The following GPM6A variants were observed in gnomAD, a reference collection of about 807,000 sequenced individuals.
GPM6A encodes glycoprotein M6A.
GPM6A carries 7 observed loss-of-function variants against 32.1 expected under a neutral mutation model. The observed-to-expected ratio is 0.22, with a 90% CI of 0.12 to 0.41. GPM6A has a LOEUF of 0.41. Ranked by LOEUF, GPM6A falls within the 10% of genes least tolerant of loss-of-function variation. The pLI, the probability that GPM6A is intolerant of heterozygous loss-of-function variation, is 1.00. For synonymous variants in GPM6A, 130 were observed against 123.4 expected (o/e 1.05, Z -0.35); for missense variants, 235 against 347.2 (o/e 0.68, Z 2.57).
intron 1 of GPM6A, among the ~76,000 whole-genome samples, chr4:175,799,767 C>T (rs1431841586): frequency 7.2e-6 from 1 of 139,598 alleles, no homozygotes. Context: ...CTCCGCCTCC[C>T]GGGTTCACGC....
intron 1 of GPM6A, among the ~76,000 whole-genome samples, chr4:175,827,833 G>A (rs765770740): frequency 2.0e-5 from 3 of 152,110 alleles, no homozygotes; most frequent in Non-Finnish European, 4.4e-5. Context: ...AATGCATTCC[G>A]CACAAATTTT....
At chr4:175,754,531 C>T (rs1732456577) in intron 1 of GPM6A, among the ~76,000 whole-genome samples, 1 of 152,120 alleles carries the variant, frequency 6.6e-6, no homozygotes, top group African/African-American at 2.4e-5. Context: ...AATTGCAAAG[C>T]TCTAACCTAA....
chr4:175,992,060 G>GCACGCGCA lies in GPM6A; in HGVS notation c.-23+10248_-23+10249insTGCGCGTG, dbSNP rs71770965. ...GAACCCCCTACACACAAACACACAT[G>GCACGCGCA]CACACACACACACACACACACACAC... is the stretch of plus-strand genomic sequence containing the variant. On this transcript the variant is annotated intron_variant, in intron 1 of 7. Transcript: ENST00000280187. 1.5e-4 allele frequency among the ~76,000 whole-genome samples: 21 copies of GCACGCGCA among 137,146 alleles called. 1 individual carries two copies. The highest frequency in any genetic ancestry group is 2.4e-4 in the Non-Finnish European group (15 of 63,502). The allele number at this position is 137,146 out of a possible 152,430, so 90.0% of individuals were successfully genotyped here.
chr4:175,717,330 A>G (rs943410856), intron 1 of GPM6A, among the ~76,000 whole-genome samples: 2 of 152,198 alleles, frequency 1.3e-5, no homozygotes, highest in African/African-American at 4.8e-5. Flanking sequence ...CTTATTTTCA[A>G]TATTTAACAA....
chr4:175,745,105 T>C (rs1206391137), intron 1 of GPM6A, among the ~76,000 whole-genome samples: 1 of 152,016 alleles, frequency 6.6e-6, no homozygotes, highest in Non-Finnish European at 1.5e-5. Context: ...AGAAATACTC[T>C]GAGAGTATCA....
chr4:175,971,387 C>G (rs1740498031), intron 1 of GPM6A, among the ~76,000 whole-genome samples: 1 of 151,982 alleles, frequency 6.6e-6, no homozygotes, highest in Non-Finnish European at 1.5e-5. Flanking sequence ...TGCAATCAAA[C>G]GAGGAAGTAA....
chr4:175,726,963 T>G (rs997150192), intron 1 of GPM6A, among the ~76,000 whole-genome samples: 1 of 152,144 alleles, frequency 6.6e-6, no homozygotes, highest in Non-Finnish European at 1.5e-5. Flanking sequence ...GCCACTGCAC[T>G]CCAGCCTGGG....
chr4:175,840,391 A>T (rs1458036553), intron 1 of GPM6A, among the ~76,000 whole-genome samples: 1 of 152,200 alleles, frequency 6.6e-6, no homozygotes, highest in African/African-American at 2.4e-5. Context: ...AATAAAATAA[A>T]TGCAGTCCGG....
intron 1 of GPM6A, among the ~76,000 whole-genome samples, chr4:175,784,513 T>C (rs1733724843): frequency 6.6e-6 from 1 of 152,184 alleles, no homozygotes; most frequent in South Asian, 2.1e-4. Context: ...GAAGCTGGTT[T>C]AAGTGTATAA....
intron 1 of GPM6A, chr4:175,807,516 G>A (rs1293608983): frequency 1.3e-5 from 2 of 152,192 alleles, no homozygotes; most frequent in African/African-American, 2.4e-5. Flanking sequence ...TTTGCCGTGG[G>A]ATAAAGAGAT....
intron 1 of GPM6A, among the ~76,000 whole-genome samples, chr4:175,724,091 T>G (rs571722973): frequency 1.3e-5 from 2 of 152,126 alleles, no homozygotes; most frequent in Non-Finnish European, 2.9e-5. Context: ...AAAAAGGATA[T>G]GGTGTACATA....
chr4:175,937,116 G>A (rs2126330495), intron 1 of GPM6A, among the ~76,000 whole-genome samples: 1 of 152,210 alleles, frequency 6.6e-6, no homozygotes, highest in Non-Finnish European at 1.5e-5. Context: ...AATGGGAGTA[G>A]TTTTGGGAGA....
intron 3 of GPM6A, among the ~76,000 whole-genome samples, chr4:175,663,622 G>A (rs1329090646): frequency 2.0e-5 from 3 of 151,618 alleles, no homozygotes; most frequent in Non-Finnish European, 2.9e-5. Context: ...ACCAATATGT[G>A]GTACAAAATA....
At chr4:175,864,064 T>C (rs894027133) in intron 1 of GPM6A, among the ~76,000 whole-genome samples, 1 of 152,190 alleles carries the variant, frequency 6.6e-6, no homozygotes, top group South Asian at 2.1e-4. Flanking sequence ...GTGCTGAGAC[T>C]TTTTAAATGT....
At chr4:175,738,365 G>A (rs1285958735) in intron 1 of GPM6A, among the ~76,000 whole-genome samples, 5 of 151,994 alleles carry the variant, frequency 3.3e-5, no homozygotes, top group Non-Finnish European at 5.9e-5. Flanking sequence ...GGCCAATCAC[G>A]CAGAACTCTT....
intron 1 of GPM6A, among the ~76,000 whole-genome samples, chr4:175,739,963 C>T (rs74942551): frequency 0.044 from 6,743 of 151,868 alleles, 192 homozygotes; most frequent in Non-Finnish European, 0.063. Context: ...ATAGAAAATA[C>T]AAAAAACCTT....
At chr4:175,974,985 A>G (rs1236736147) in intron 1 of GPM6A, among the ~76,000 whole-genome samples, 4 of 152,114 alleles carry the variant, frequency 2.6e-5, no homozygotes, top group Non-Finnish European at 5.9e-5. Context: ...CACCTGGCCT[A>G]TACATCAGCC....
chr4:175,851,400 A>G (rs1178804590), intron 1 of GPM6A, among the ~76,000 whole-genome samples: 1 of 150,296 alleles, frequency 6.7e-6, no homozygotes, highest in Non-Finnish European at 1.5e-5. Context: ...GAGGAGAATC[A>G]TTTGAACTCA....
At chr4:175,940,594 A>G (rs1195279287) in intron 1 of GPM6A, among the ~76,000 whole-genome samples, 3 of 152,002 alleles carry the variant, frequency 2.0e-5, no homozygotes, top group African/African-American at 7.3e-5. Flanking sequence ...CATTTTTTAT[A>G]TCTTCTTTAT....
Sources: gnomAD v4.1 joint callset for allele counts (sites outside exome capture counted in the v4.1 genomes callset) on GRCh38, gnomAD v4.1.1 for gene constraint, MANE v1.5 for transcripts, NCBI Gene and HGNC (gene_info 2026-07-23, HGNC 2026-07-21) for gene names.